Variants in ADAMTS16 observed in about 807,000 individuals in gnomAD.
ADAMTS16 encodes ADAM metallopeptidase with thrombospondin type 1 motif 16.
Under a neutral mutation model 145.8 loss-of-function variants are expected in ADAMTS16, and 94 were observed. That is an observed-to-expected ratio of 0.64 (90% CI 0.55 to 0.77). ADAMTS16 has a LOEUF of 0.77. Among genes scored for constraint, ADAMTS16 ranks in the 30% least tolerant of loss-of-function variants. The pLI, the probability that ADAMTS16 is intolerant of heterozygous loss-of-function variation, is 0.00. For missense variants in ADAMTS16, 1,585 were observed against 1,591.5 expected, an observed-to-expected ratio of 1.00 and a Z score of 0.07; for synonymous variants, 659 against 604.3, an observed-to-expected ratio of 1.09 and a Z score of -1.33.
At chr5:5,140,851 T>A (rs1734145017) in intron 2 of ADAMTS16, 85 bp downstream of exon 2, 3 of 1,311,192 alleles carry the variant, frequency 2.3e-6, no homozygotes, top group East Asian at 2.9e-5. Context: ...GTGCTGTGAA[T>A]GTTCACGACT....
intron 18 of ADAMTS16, among the ~76,000 whole-genome samples, chr5:5,299,090 C>T (rs1461720618): frequency 6.6e-6 from 1 of 152,188 alleles, no homozygotes; most frequent in Non-Finnish European, 1.5e-5. Flanking sequence ...CTTATCAATG[C>T]CTCGTGTAGG....
At position 5,208,943 on chromosome 5, in the gene ADAMTS16, T is replaced by C. The variant is rs151056235; in HGVS notation, c.1452-150T>C. ...TATTTAAATATAATTAAGATAAGTA[T>C]TATATTGTAACTCAGGAGAAAAAAA... On this transcript the variant is annotated intron_variant, in intron 9 of 22. Transcript: ENST00000274181. The C allele has an allele frequency of 3.6e-3, 2,543 of 704,770 alleles. 8 individuals are homozygous for C. The highest frequency in any genetic ancestry group is 7.0e-3 in the Admixed American group (268 of 38,456). The allele number at this position is 704,770 out of a possible 1,614,324, so 43.7% of individuals were successfully genotyped here. A position where few individuals can be genotyped will look rare whatever the true frequency, so the allele number is the denominator to read the frequency against.
intron 18 of ADAMTS16, among the ~76,000 whole-genome samples, chr5:5,297,545 C>A (rs1739594119): frequency 6.6e-6 from 1 of 152,136 alleles, no homozygotes; most frequent in African/African-American, 2.4e-5. Context: ...AGGTCAGTTT[C>A]TTTGGTCTGT....
Position 5,166,455 on chromosome 5 carries a change from G to T in ADAMTS16, c.502-15589G>T, listed in dbSNP as rs1478060190. 4.6e-5 allele frequency among the ~76,000 whole-genome samples: 7 copies of T among 152,170 alleles called. No individual in the cohort carries two copies. In the South Asian group the frequency reaches 1.4e-3, roughly 31 times the overall value. ...TAAGAGCAACATGGCATGGCTGGAG[G>T]GTCTTGAGCTCCCAGAGAGCCTGGG... On this transcript the variant is annotated intron_variant, in intron 3 of 22. Transcript: ENST00000274181.
intron 3 of ADAMTS16, among the ~76,000 whole-genome samples, chr5:5,181,330 G>T (rs112591619): frequency 2.2e-4 from 33 of 152,222 alleles, no homozygotes; most frequent in Non-Finnish European, 4.4e-4. Context: ...ACCAACAATC[G>T]TGCTACCAAG....
intron 21 of ADAMTS16, among the ~76,000 whole-genome samples, chr5:5,316,357 A>T (rs1375491715): frequency 3.9e-5 from 6 of 152,082 alleles, no homozygotes; most frequent in Non-Finnish European, 8.8e-5. Flanking sequence ...ATGTTATCTG[A>T]CCCAATCTTC....
chr5:5,163,312 C>T (rs966922942), intron 3 of ADAMTS16, among the ~76,000 whole-genome samples: 4 of 152,164 alleles, frequency 2.6e-5, no homozygotes, highest in African/African-American at 9.7e-5. Flanking sequence ...AACTTCACTG[C>T]CTGCTTTGGT....
chr5:5,285,322 T>C (rs1381106294), intron 18 of ADAMTS16, among the ~76,000 whole-genome samples: 1 of 152,082 alleles, frequency 6.6e-6, no homozygotes, highest in Admixed American at 6.5e-5. Flanking sequence ...TTGTGAAAGG[T>C]TTCTTCAGCA....
chr5:5,190,146 A>G lies in ADAMTS16; in HGVS notation c.1207+16A>G, dbSNP rs761173649. 35 of 1,574,478 alleles carry G rather than the reference A, an allele frequency of 2.2e-5. No homozygotes were observed. Among genetic ancestry groups the G allele is most frequent in the Non-Finnish European group, 2.9e-5 (34 of 1,160,320 alleles). On this transcript the variant is annotated intron_variant, in intron 7 of 22. Transcript: ENST00000274181. ...GACACTTTGGGTGAGAACCTCCAGC[A>G]GAGTGTGAGGACCGTGTGTGGAATG...
At chr5:5,280,663 A>G (rs1478053494) in intron 18 of ADAMTS16, among the ~76,000 whole-genome samples, 1 of 152,208 alleles carries the variant, frequency 6.6e-6, no homozygotes, top group Non-Finnish European at 1.5e-5. Context: ...TGCTAAACCT[A>G]TCTGTTGAGT....
chr5:5,209,357 A>C (rs1736214414), intron 10 of ADAMTS16, 111 bp downstream of exon 10: 3 of 1,317,380 alleles, frequency 2.3e-6, no homozygotes, highest in African/African-American at 1.5e-5. Flanking sequence ...CAAATGTCAA[A>C]TCCTGTATGT....
At chr5:5,174,006 C>CTTGTGTTTTTCTTTGTGTT (rs1197692977) in intron 3 of ADAMTS16, among the ~76,000 whole-genome samples, 1 of 152,054 alleles carries the variant, frequency 6.6e-6, no homozygotes, top group Non-Finnish European at 1.5e-5. Flanking sequence ...ATTATAAAAT[C>CTTGTGTTTTTCTTTGTGTT]TTGTGTTTTT....
intron 17 of ADAMTS16, among the ~76,000 whole-genome samples, chr5:5,244,837 C>T (rs1006773480): frequency 6.6e-6 from 1 of 152,192 alleles, no homozygotes; most frequent in South Asian, 2.1e-4. Context: ...CGACCTTACA[C>T]GTAGGCGGTG....
intron 10 of ADAMTS16, among the ~76,000 whole-genome samples, chr5:5,221,100 G>C (rs1736593945): frequency 6.6e-6 from 1 of 152,022 alleles, no homozygotes; most frequent in Admixed American, 6.5e-5. Flanking sequence ...CATCGAGCCG[G>C]TGTGCACAGG....
rs766617039 is a variant in ADAMTS16 at position 5,306,650 on chromosome 5, G to A, written c.3333G>A (p.Pro1111=). 2.0e-5 allele frequency: 32 copies of A among 1,613,926 alleles called. No individual in the cohort carries two copies. The highest frequency in any genetic ancestry group is 2.2e-5 in the Non-Finnish European group (26 of 1,180,010). Residue 1111 remains proline, a synonymous_variant, in exon 21 of 23, where the codon CCG becomes CCA. Transcript: ENST00000274181. ...PSLELERACA[P]LPCPRHPPFA... is the part of the protein sequence containing the mutation. The stretch of plus-strand genomic sequence containing the variant: ...TGGAGCTGGAACGTGCCTGCGCCCC[G>A]CTTCCATGCCCCAGGCACCCCCCAT...
intron 21 of ADAMTS16, among the ~76,000 whole-genome samples, chr5:5,309,710 G>A (rs756919001): frequency 5.9e-5 from 9 of 152,094 alleles, no homozygotes; most frequent in Non-Finnish European, 1.0e-4. Flanking sequence ...GGCCAACCAT[G>A]TGCTTCCTGG....
chr5:5,290,395 G>A (rs1038592080), intron 18 of ADAMTS16, among the ~76,000 whole-genome samples: 11 of 152,100 alleles, frequency 7.2e-5, no homozygotes, highest in Non-Finnish European at 1.5e-4. Context: ...TGGCTCATGC[G>A]TGTAATCCCA....
At chr5:5,240,046 A>C (rs1353412079) in intron 16 of ADAMTS16, 121 bp downstream of exon 16, 1 of 1,450,646 alleles carries the variant, frequency 6.9e-7, no homozygotes, top group Non-Finnish European at 9.2e-7. Flanking sequence ...AGAGTGATCC[A>C]TCCATAGCCG....
chr5:5,220,459 A>G (rs895537548), intron 10 of ADAMTS16, among the ~76,000 whole-genome samples: 2 of 151,976 alleles, frequency 1.3e-5, no homozygotes, highest in African/African-American at 4.8e-5. Flanking sequence ...CGCCCGGCCA[A>G]TAATTTAACA....
Sources: allele counts gnomAD v4.1 joint callset (sites outside exome capture counted in the v4.1 genomes callset), GRCh38; gene constraint gnomAD v4.1.1; transcripts MANE v1.5; gene names NCBI Gene and HGNC (gene_info 2026-07-23, HGNC 2026-07-21).